Variants in VNN1 observed in about 807,000 individuals in gnomAD.
VNN1 encodes the protein pantetheinase.
VNN1 carries 29 observed loss-of-function variants against 41.9 expected under a neutral mutation model. The ratio of observed to expected loss-of-function variants is 0.69; its 90% confidence interval spans 0.52 to 0.94. VNN1 has a LOEUF of 0.94. Ranked by LOEUF, VNN1 falls within the 40% of genes least tolerant of loss-of-function variation. VNN1 has a pLI of 0.00. For missense variants in VNN1, 637 were observed against 621.1 expected (o/e 1.03, Z -0.27); for synonymous variants, 233 against 224.4 (o/e 1.04, Z -0.34).
intron 5 of VNN1, among the ~76,000 whole-genome samples, chr6:132,687,867 G>T (rs1470961699): frequency 6.6e-6 from 1 of 152,018 alleles, no homozygotes; most frequent in Non-Finnish European, 1.5e-5. Flanking sequence ...AATAACTTTA[G>T]GAAAAACAAA....
intron 5 of VNN1, among the ~76,000 whole-genome samples, 168 bp downstream of exon 5, chr6:132,692,055 T>C (rs1778294499): frequency 6.6e-6 from 1 of 152,074 alleles, no homozygotes; most frequent in South Asian, 2.1e-4. Context: ...ATTTGTAGGC[T>C]TCCCAGCTAA....
intron 2 of VNN1, among the ~76,000 whole-genome samples, chr6:132,709,848 A>G (rs938142920): frequency 2.0e-5 from 3 of 152,158 alleles, no homozygotes; most frequent in Non-Finnish European, 4.4e-5. Flanking sequence ...GAAATAAGTC[A>G]ATTCAATTCA....
In VNN1 at chr6:132,692,211, T is replaced by C. The variant is rs745716790; in HGVS notation, c.1188+12A>G. The C allele has an allele frequency of 6.5e-7, 1 of 1,533,232 alleles. No individual in the cohort carries two copies. Among genetic ancestry groups the C allele is most frequent in the Non-Finnish European group, 8.7e-7 (1 of 1,143,068 alleles). 95.0% of individuals were successfully genotyped at this position (1,533,232 alleles called of 1,614,324 possible). On this transcript the variant is annotated intron_variant, in intron 5 of 6. Coordinates refer to ENST00000367928, the MANE Select transcript of VNN1 (RefSeq NM_004666.3). ...ATTTTATCCAGTAACTCTTCTGACA[T>C]CAAAATATTACCTGTAGATAATAGC...
rs1778132936 is a variant in VNN1 at position 132,682,073 on chromosome 6, G to T, written c.*1067C>A. On this transcript the variant is annotated 3_prime_UTR_variant, in exon 7 of 7. Transcript: ENST00000367928. ...GAGTTGTGTAATGTCAAGAGATTCT[G>T]CTGTTACTAAAATAGAACACACAAT... 2.0e-5 allele frequency: 3 copies of T among 152,166 alleles called. No homozygotes were observed. Among genetic ancestry groups the T allele is most frequent in the Admixed American group, 2.0e-4 (3 of 15,282 alleles). The allele number at this position is 152,166 out of a possible 1,614,324, so 9.4% of individuals were successfully genotyped here.
rs1387380661 is a variant in VNN1 at position 132,692,454 on chromosome 6, A to G, written c.957T>C (p.Tyr319=). The G allele has an allele frequency of 1.2e-6, 2 of 1,614,034 alleles. No individual in the cohort carries two copies. The highest frequency in any genetic ancestry group is 1.3e-5 in the African/African-American group (1 of 74,944). The stretch of plus-strand genomic sequence containing the variant: ...ATGAGAGCGCTTCTATACTGCTGGC[A>G]TAGGAAGTCCAGTTCACCACTGCAG... The part of the protein sequence containing the change: ...SHSAVVNWTS[Y]ASSIEALSSG... Residue 319 remains tyrosine (Y), a synonymous_variant, in exon 5 of 7, where the codon TAT becomes TAC. Coordinates refer to ENST00000367928, the MANE Select transcript of VNN1 (RefSeq NM_004666.3).
rs770005428 is a variant in VNN1 at position 132,694,041 on chromosome 6, G to T, written c.483C>A (p.Asn161Lys). Residue 161 changes from asparagine (N) to lysine (K), a missense_variant, in exon 3 of 7, where the codon AAC (asparagine) becomes AAA (lysine). Asn to Lys is a moderately conservative substitution (Grantham distance 94, BLOSUM62 0). Coordinates refer to ENST00000367928, the MANE Select transcript of VNN1 (RefSeq NM_004666.3). ...QCPPDGRYQY[N>K]TDVVFDSQGK... ...CTTGAGAATCAAATACCACATCAGT[G>T]TTGTATTGGTAACGGCCATCAGGGG... 1 of 1,614,140 alleles carries T rather than the reference G, an allele frequency of 6.2e-7. No individual in the cohort carries two copies. Among genetic ancestry groups the T allele is most frequent in the South Asian group, 1.1e-5 (1 of 91,086 alleles).
rs561649806 is a variant in VNN1 at position 132,704,562 on chromosome 6, G to A, written c.341+7147C>T. ...AAAACTTATGGGATACAGCAAAATC[G>A]TTCTAAGAGGAAAGTTTATAGCTAT... On this transcript the variant is annotated intron_variant, in intron 2 of 6. Transcript: ENST00000367928. 5.9e-5 allele frequency among the ~76,000 whole-genome samples: 9 copies of A among 151,970 alleles called. No individual in the cohort carries two copies. In the East Asian group the frequency reaches 1.5e-3, roughly 26 times the overall value.
At chr6:132,695,319 G>T (rs928418824) in intron 2 of VNN1, among the ~76,000 whole-genome samples, 4 of 152,112 alleles carry the variant, frequency 2.6e-5, no homozygotes, top group African/African-American at 9.7e-5. Flanking sequence ...CCAGAAGAAT[G>T]CTTGGAAGGT....
At chr6:132,699,364 G>A (rs1227352833) in intron 2 of VNN1, 1 of 181,248 alleles carries the variant, frequency 5.5e-6, no homozygotes, top group Admixed American at 6.4e-5. Flanking sequence ...CTAAACTTTG[G>A]AGTCTAAATC....
intron 2 of VNN1, among the ~76,000 whole-genome samples, chr6:132,706,517 A>T (rs558090398): frequency 2.0e-5 from 3 of 152,218 alleles, no homozygotes; most frequent in African/African-American, 4.8e-5. Context: ...AAAATGAATT[A>T]TATACTTAAA....
chr6:132,696,933 G>A (rs4897600), intron 2 of VNN1, among the ~76,000 whole-genome samples: 65,510 of 151,328 alleles, frequency 0.43, 15,307 homozygotes, highest in African/African-American at 0.6. Context: ...GTGAAACCCC[G>A]TCTCCACTAA....
At chr6:132,708,523 A>G (rs45447098) in intron 2 of VNN1, among the ~76,000 whole-genome samples, 2,350 of 152,302 alleles carry the variant, frequency 0.015, 37 homozygotes, top group Non-Finnish European at 0.021. Flanking sequence ...GGTGAATATG[A>G]GAAGAGAAAG....
At chr6:132,694,352 C>A (rs1407059938) in intron 2 of VNN1, among the ~76,000 whole-genome samples, 170 bp from the exon 3 acceptor site, 1 of 152,072 alleles carries the variant, frequency 6.6e-6, no homozygotes, top group African/African-American at 2.4e-5. Context: ...CAGAGGAAGC[C>A]CATGCTTGAG....
At chr6:132,710,130 C>T (rs1778577845) in intron 2 of VNN1, among the ~76,000 whole-genome samples, 1 of 152,024 alleles carries the variant, frequency 6.6e-6, no homozygotes, top group Non-Finnish European at 1.5e-5. Context: ...CTCACTGCAA[C>T]CTCTGCCTCC....
rs1226359593 is a variant in VNN1 at position 132,693,189 on chromosome 6, C to G, written c.661G>C (p.Val221Leu). The G allele has an allele frequency of 1.2e-6, 2 of 1,614,040 alleles. No homozygotes were observed. The highest frequency in any genetic ancestry group is 1.7e-6 in the Non-Finnish European group (2 of 1,180,030). Residue 221 changes from valine to leucine, a missense_variant, in exon 4 of 7, where the codon GTT becomes CTT. By Grantham distance (32) the Val-to-Leu change is conservative. Transcript: ENST00000367928. ...CFDILFHDPAVTLVKDFHVDT... is the reference protein window; with the variant it reads ...CFDILFHDPALTLVKDFHVDT... ...ACGTGGAAATCTTTCACCAAGGTAACAGCAGGATCATGGAAGAGTATATCA... is the reference window on the plus strand; with the variant it reads ...ACGTGGAAATCTTTCACCAAGGTAAGAGCAGGATCATGGAAGAGTATATCA...
chr6:132,701,899 G>A (rs533573228), intron 2 of VNN1, among the ~76,000 whole-genome samples: 3 of 152,320 alleles, frequency 2.0e-5, no homozygotes, highest in South Asian at 2.1e-4. Context: ...GTGTTGCCAT[G>A]TAACAGCAGA....
chr6:132,701,015 T>C (rs1778442017), intron 2 of VNN1, among the ~76,000 whole-genome samples: 1 of 152,218 alleles, frequency 6.6e-6, no homozygotes, highest in Non-Finnish European at 1.5e-5. Flanking sequence ...TAATTACTAT[T>C]ATGCTATGGT....
At position 132,693,294 on chromosome 6, in the gene VNN1, T is replaced by C; in HGVS notation, c.556A>G (p.Asn186Asp). 1 of 1,604,688 alleles carries C rather than the reference T, an allele frequency of 6.2e-7. No homozygotes were observed. The highest frequency in any genetic ancestry group is 8.5e-7 in the Non-Finnish European group (1 of 1,176,380). Residue 186 changes from asparagine to aspartate, a missense_variant, in exon 4 of 7, where the codon AAT (asparagine) becomes GAT (aspartate). Asn to Asp is a conservative substitution (Grantham distance 23). Coordinates refer to ENST00000367928, the MANE Select transcript of VNN1 (RefSeq NM_004666.3). ...YHKQNLFMGENQFNVPKEPEI... is the reference protein window; with the variant it reads ...YHKQNLFMGEDQFNVPKEPEI... ...GGCTCCTTGGGTACATTGAATTGAT[T>C]TTCACCCATGAAAAGGTTTTGCTGC...
chr6:132,711,443 A>T (rs1330367445), intron 2 of VNN1, among the ~76,000 whole-genome samples: 1 of 152,266 alleles, frequency 6.6e-6, no homozygotes, highest in African/African-American at 2.4e-5. Flanking sequence ...ACACAGGGAA[A>T]TATTTTTCTG....
Sources: gnomAD v4.1 joint callset for allele counts (sites outside exome capture counted in the v4.1 genomes callset) on GRCh38, gnomAD v4.1.1 for gene constraint, MANE v1.5 for transcripts, NCBI Gene and HGNC (gene_info 2026-07-23, HGNC 2026-07-21) for gene names.